The following OR2T12 variants were observed in gnomAD, a reference collection of about 807,000 sequenced individuals.
The protein encoded by OR2T12 is olfactory receptor family 2 subfamily T member 12.
For missense variants in OR2T12, 335 were observed against 404.3 expected, an observed-to-expected ratio of 0.83 and a Z score of 1.47; for synonymous variants, 127 against 160.5, an observed-to-expected ratio of 0.79 and a Z score of 1.58.
In OR2T12 at chr1:248,291,807, A is replaced by C. The variant is rs1160826766; in HGVS notation, c.*2809T>G. Reference sequence around the variant, plus strand: ...CCATACAACCATCTCTTCTTTGACAAACCTGACAAAAACAAGCAATGGGGA... The same window carrying C: ...CCATACAACCATCTCTTCTTTGACACACCTGACAAAAACAAGCAATGGGGA... On this transcript the variant is annotated 3_prime_UTR_variant, in exon 3 of 3. Coordinates refer to ENST00000641276, the MANE Select transcript of OR2T12 (RefSeq NM_001004692.2). The C allele has an allele frequency of 6.6e-6, 1 of 152,172 alleles. No homozygotes were observed. The highest frequency in any genetic ancestry group is 6.5e-5 in the Admixed American group (1 of 15,270). 9.4% of individuals were successfully genotyped at this position (152,172 alleles called of 1,614,324 possible).
At chr1:248,296,885 T>C (rs1289635258) in intron 2 of OR2T12, among the ~76,000 whole-genome samples, 1 of 152,260 alleles carries the variant, frequency 6.6e-6, no homozygotes, top group Admixed American at 6.5e-5. Context: ...ATTTTGTCTT[T>C]TGTTGCCATT....
intron 2 of OR2T12, among the ~76,000 whole-genome samples, chr1:248,297,324 C>G (rs1046133978): frequency 5.3e-5 from 8 of 152,070 alleles, no homozygotes; most frequent in African/African-American, 1.7e-4. Flanking sequence ...TTAGGATTGA[C>G]TTGGTGATGT....
chr1:248,293,788 A>G lies in OR2T12; in HGVS notation c.*828T>C, dbSNP rs1192924912. 1 of 152,196 alleles carries G rather than the reference A, an allele frequency of 6.6e-6. No individual in the cohort carries two copies. Among genetic ancestry groups the G allele is most frequent in the African/African-American group, 2.4e-5 (1 of 41,450 alleles). The allele number at this position is 152,196 out of a possible 1,614,324, so 9.4% of individuals were successfully genotyped here. On this transcript the variant is annotated 3_prime_UTR_variant, in exon 3 of 3. Coordinates refer to ENST00000641276, the MANE Select transcript of OR2T12 (RefSeq NM_001004692.2). ...TAACCTTAAAGCACGTGTAGAAAAG[A>G]GAACTTATTTGTAGTTTAAAACAAT...
chr1:248,298,502 G>A (rs1280194886), intron 2 of OR2T12, among the ~76,000 whole-genome samples: 2 of 151,932 alleles, frequency 1.3e-5, no homozygotes, highest in Non-Finnish European at 2.9e-5. Context: ...TGGTGGGTAA[G>A]CTATTGATTA....
Position 248,294,846 on chromosome 1 carries a change from C to G in OR2T12, c.733G>C (p.Val245Leu), listed in dbSNP as rs1226343188. ...CCAGCTCCATAAAAGAGTCCCACCA[C>G]AGCCACATGTGAAGAGCAGGTGGCA... ...AFATCSSHVA[V>L]VGLFYGAGIF... is the part of the protein sequence containing the mutation. The change falls in exon 3 of 3, where the codon GTG becomes CTG. Residue 245 changes from valine to leucine, a missense_variant. Physicochemically the swap from Val to Leu is conservative, Grantham distance 32 (BLOSUM62 1). Transcript: ENST00000641276. The G allele has an allele frequency of 6.2e-7, 1 of 1,612,934 alleles. No homozygotes were observed. Among genetic ancestry groups the G allele is most frequent in the Admixed American group, 1.7e-5 (1 of 59,998 alleles).
In OR2T12 at chr1:248,292,478, T is replaced by C. The variant is rs1054084607; in HGVS notation, c.*2138A>G. ...AGAGACAATGTATCTTCAATATAAG[T>C]GTCTGAAAGTTAACCTGTCATTTTG... On this transcript the variant is annotated 3_prime_UTR_variant, in exon 3 of 3. Coordinates refer to ENST00000641276, the MANE Select transcript of OR2T12 (RefSeq NM_001004692.2). 1 of 152,118 alleles carries C rather than the reference T, an allele frequency of 6.6e-6. No individual in the cohort carries two copies. The highest frequency in any genetic ancestry group is 2.4e-5 in the African/African-American group (1 of 41,438). The allele number at this position is 152,118 out of a possible 1,614,324, so 9.4% of individuals were successfully genotyped here. A position where few individuals can be genotyped will look rare whatever the true frequency, so the allele number is the denominator to read the frequency against.
In OR2T12 at chr1:248,294,558, A is replaced by G. The variant is rs1659683013; in HGVS notation, c.*58T>C. On this transcript the variant is annotated 3_prime_UTR_variant, in exon 3 of 3. Transcript: ENST00000641276. ...TCTTCATGAATTACTAAAGGGAGAG[A>G]ATTACATAGTGTTAAAATGTTAATA... The G allele has an allele frequency of 1.9e-6, 3 of 1,544,634 alleles. No homozygotes were observed. In the Admixed American group the frequency reaches 6.2e-5, roughly 32 times the overall value.
At chr1:248,302,911 T>C (rs1439016977) in intron 1 of OR2T12, among the ~76,000 whole-genome samples, 1 of 152,154 alleles carries the variant, frequency 6.6e-6, no homozygotes, top group African/African-American at 2.4e-5. Flanking sequence ...CTCATGTCAG[T>C]ACTCTAAATG....
chr1:248,291,747 G>T lies in OR2T12; in HGVS notation c.*2869C>A, dbSNP rs780992523. 2.0e-5 allele frequency: 3 copies of T among 152,000 alleles called. No homozygotes were observed. The highest frequency in any genetic ancestry group is 4.4e-5 in the Non-Finnish European group (3 of 68,016). 9.4% of individuals were successfully genotyped at this position (152,000 alleles called of 1,614,324 possible). A position where few individuals can be genotyped will look rare whatever the true frequency, so the allele number is the denominator to read the frequency against. On this transcript the variant is annotated 3_prime_UTR_variant, in exon 3 of 3. Transcript: ENST00000641276. ...GTACTGGTACCAAAACAGATATATA[G>T]ACCAATAAACAGAACAGAGGCCTCA...
intron 2 of OR2T12, among the ~76,000 whole-genome samples, chr1:248,296,533 T>G (rs1001483185): frequency 2.0e-5 from 3 of 152,150 alleles, no homozygotes; most frequent in African/African-American, 7.2e-5. Context: ...CCTGACTTTT[T>G]AATGATTGCC....
rs576843563 is a variant in OR2T12, at chr1:248,294,772, A to G, written c.807T>C (p.Asp269=). ...RPKSHRSTNH[D]KVVSAFYTMF... ...TAGTATAGAAGGCTGACACAACCTTATCGTGGTTAGTGGACCTGTGGGATT... is the reference window on the plus strand; with the variant it reads ...TAGTATAGAAGGCTGACACAACCTTGTCGTGGTTAGTGGACCTGTGGGATT... The change falls in exon 3 of 3, where the codon GAT becomes GAC. Residue 269 remains aspartate, a synonymous_variant. Transcript: ENST00000641276. The G allele has an allele frequency of 4.0e-5, 65 of 1,611,096 alleles. No individual in the cohort carries two copies. The highest frequency in any genetic ancestry group is 2.8e-4 in the African/African-American group (21 of 74,412).
rs1453067967 is a variant in OR2T12, at chr1:248,295,535, A to T, written c.44T>A (p.Leu15His). 24 of 1,607,830 alleles carry T rather than the reference A, an allele frequency of 1.5e-5. No individual in the cohort carries two copies. The highest frequency in any genetic ancestry group is 2.0e-5 in the Non-Finnish European group (23 of 1,176,434). Residue 15 changes from leucine to histidine, a missense_variant, in exon 3 of 3, where the codon CTC (leucine) becomes CAC (histidine). Leu to His is a moderately conservative substitution (Grantham distance 99). Coordinates refer to ENST00000641276, the MANE Select transcript of OR2T12 (RefSeq NM_001004692.2). ...NTTPDFILLG[L>H]FNHTRAHQVL... ...TTGGTGGGCTCTGGTGTGGTTAAAG[A>T]GTCCTAGGAGAATAAAATCTGGGGT...
chr1:248,298,277 A>C (rs946850491), intron 2 of OR2T12, among the ~76,000 whole-genome samples: 1 of 152,124 alleles, frequency 6.6e-6, no homozygotes, highest in Non-Finnish European at 1.5e-5. Flanking sequence ...GGATTTTTGC[A>C]TCAATGTTCA....
At position 248,294,778 on chromosome 1, in the gene OR2T12, G is replaced by C. The variant is rs753808801; in HGVS notation, c.801C>G (p.Asn267Lys). ...YMRPKSHRSTNHDKVVSAFYT... is the reference protein window; with the variant it reads ...YMRPKSHRSTKHDKVVSAFYT... ...AGAAGGCTGACACAACCTTATCGTG[G>C]TTAGTGGACCTGTGGGATTTGGGTC... The change falls in exon 3 of 3, where the codon AAC (asparagine) becomes AAG (lysine). Residue 267 changes from asparagine to lysine, a missense_variant. Coordinates refer to ENST00000641276, the MANE Select transcript of OR2T12 (RefSeq NM_001004692.2). 2.5e-6 allele frequency: 4 copies of C among 1,613,942 alleles called. No homozygotes were observed. Among genetic ancestry groups the C allele is most frequent in the Non-Finnish European group, 2.5e-6 (3 of 1,179,914 alleles).
At position 248,292,847 on chromosome 1, in the gene OR2T12, G is replaced by A. The variant is rs1287020813; in HGVS notation, c.*1769C>T. 1 of 151,990 alleles carries A rather than the reference G, an allele frequency of 6.6e-6. No homozygotes were observed. Among genetic ancestry groups the A allele is most frequent in the Non-Finnish European group, 1.5e-5 (1 of 67,930 alleles). 9.4% of individuals were successfully genotyped at this position (151,990 alleles called of 1,614,324 possible). The stretch of plus-strand genomic sequence containing the variant: ...ATCCTTACAAAATTTTAAAGGCTTA[G>A]TTTACCATTTGTAACTCAACGTGTT... On this transcript the variant is annotated 3_prime_UTR_variant, in exon 3 of 3. Coordinates refer to ENST00000641276, the MANE Select transcript of OR2T12 (RefSeq NM_001004692.2).
In OR2T12 at chr1:248,291,849, A is replaced by G. The variant is rs1225741566; in HGVS notation, c.*2767T>C. On this transcript the variant is annotated 3_prime_UTR_variant, in exon 3 of 3. Transcript: ENST00000641276. The stretch of plus-strand genomic sequence containing the variant: ...CAATGGGGAAAGGATTCCCTATTTA[A>G]TAAATGATGTTGGGAAAACTGGCTA... 1 of 152,208 alleles carries G rather than the reference A, an allele frequency of 6.6e-6. No homozygotes were observed. Among genetic ancestry groups the G allele is most frequent in the East Asian group, 1.9e-4 (1 of 5,200 alleles). 9.4% of individuals were successfully genotyped at this position (152,208 alleles called of 1,614,324 possible). A position where few individuals can be genotyped will look rare whatever the true frequency, so the allele number is the denominator to read the frequency against.
intron 2 of OR2T12, among the ~76,000 whole-genome samples, chr1:248,298,094 A>C (rs922798290): frequency 3.0e-4 from 45 of 152,238 alleles, no homozygotes; most frequent in African/African-American, 8.9e-4. Context: ...CCTTTTCTGC[A>C]TCTATTGACA....
At chr1:248,303,085 C>T (rs576134273) in intron 1 of OR2T12, among the ~76,000 whole-genome samples, 1 of 152,092 alleles carries the variant, frequency 6.6e-6, no homozygotes, top group Non-Finnish European at 1.5e-5. Flanking sequence ...TCTTTTTCAA[C>T]TCTAGAATGC....
chr1:248,296,453 G>T (rs936169977), intron 2 of OR2T12, among the ~76,000 whole-genome samples: 3 of 152,172 alleles, frequency 2.0e-5, no homozygotes, highest in Admixed American at 6.5e-5. Context: ...ATGGTTGAAC[G>T]AGTTTACAGC....
Sources: gnomAD v4.1 joint callset for allele counts (sites outside exome capture counted in the v4.1 genomes callset) on GRCh38, gnomAD v4.1.1 for gene constraint, MANE v1.5 for transcripts, NCBI Gene and HGNC (gene_info 2026-07-23, HGNC 2026-07-21) for gene names.